Variants in C6orf141 observed in about 807,000 individuals in gnomAD.
C6orf141 encodes chromosome 6 open reading frame 141.
For missense variants in C6orf141, 361 were observed against 335.8 expected (o/e 1.07, Z -0.59); for synonymous variants, 164 against 140.5 (o/e 1.17, Z -1.18).
rs1418089458 is a variant in C6orf141, at chr6:49,550,786, G to A, written c.-7G>A. The A allele has an allele frequency of 1.4e-6, 2 of 1,453,512 alleles. No homozygotes were observed. The highest frequency in any genetic ancestry group is 1.5e-5 in the South Asian group (1 of 66,726). The allele number at this position is 1,453,512 out of a possible 1,614,324, so 90.0% of individuals were successfully genotyped here. ...CTTGCTGCTTGAACCGGTCAAAGAA[G>A]GAACGAATGAATGACCCTTTTGCCA... On this transcript the variant is annotated 5_prime_UTR_variant, in exon 1 of 1. Transcript: ENST00000529246.
rs1232105990 is a variant in C6orf141 at position 49,551,733 on chromosome 6, G to A, written c.*206G>A. 7.0e-7 allele frequency: 1 copy of A among 1,420,704 alleles called. No homozygotes were observed. Among genetic ancestry groups the A allele is most frequent in the Non-Finnish European group, 9.2e-7 (1 of 1,086,544 alleles). 88.0% of individuals were successfully genotyped at this position (1,420,704 alleles called of 1,614,324 possible). On this transcript the variant is annotated 3_prime_UTR_variant, in exon 1 of 1. Coordinates refer to ENST00000529246, the MANE Select transcript of C6orf141 (RefSeq NM_001145652.2). ...ATTCCTTCGCTGTCTGGGGACCTAAGTCATTCAGAAGAGGTGGAGAAAAGA... is the reference window on the plus strand; with the variant it reads ...ATTCCTTCGCTGTCTGGGGACCTAAATCATTCAGAAGAGGTGGAGAAAAGA...
Position 49,551,171 on chromosome 6 carries a change from G to C in C6orf141, c.379G>C (p.Glu127Gln). ...PHAGGEDHGEEPNYPSVFQRQ... is the reference protein window; with the variant it reads ...PHAGGEDHGEQPNYPSVFQRQ... The stretch of plus-strand genomic sequence containing the variant: ...TGCGGGTGGAGAGGACCACGGCGAG[G>C]AGCCCAACTACCCTTCTGTCTTTCA... Residue 127 changes from glutamate (E) to glutamine (Q), a missense_variant, in exon 1 of 1, where the codon GAG becomes CAG. Coordinates refer to ENST00000529246, the MANE Select transcript of C6orf141 (RefSeq NM_001145652.2). 1 of 1,551,606 alleles carries C rather than the reference G, an allele frequency of 6.4e-7. No homozygotes were observed. The highest frequency in any genetic ancestry group is 8.7e-7 in the Non-Finnish European group (1 of 1,146,948).
At position 49,558,661 on chromosome 6, in the gene C6orf141, A is replaced by T. The variant is rs368805340; in HGVS notation, c.*764-3043A>T. Among the ~76,000 whole-genome samples the T allele has an allele frequency of 7.2e-5, 11 of 152,056 alleles. No individual in the cohort carries two copies. In the East Asian group the frequency reaches 2.1e-3, roughly 29 times the overall value. On this transcript the variant is annotated intron_variant and NMD_transcript_variant, in intron 4 of 4. Transcript: ENST00000371194. Reference sequence around the variant, plus strand: ...ACTCAAAATTAACTATTATTATTATAATTAGTATTAGTGGTAGTGGTAGTG... The same window carrying T: ...ACTCAAAATTAACTATTATTATTATTATTAGTATTAGTGGTAGTGGTAGTG...
chr6:49,555,857 T>C (rs1040426290), downstream of C6orf141, among the ~76,000 whole-genome samples: 2 of 152,192 alleles, frequency 1.3e-5, no homozygotes, highest in Non-Finnish European at 2.9e-5. Flanking sequence ...CCTCCTGCCT[T>C]GGCCTCCCAA....
rs1489203317 is a variant in C6orf141 at position 49,551,589 on chromosome 6, A to G, written c.*62A>G. ...GCGATCATCCTTAAAAGAAAATGCT[A>G]TTCTGGGAGCTCCAACCTGCAATTA... On this transcript the variant is annotated 3_prime_UTR_variant, in exon 1 of 1. Coordinates refer to ENST00000529246, the MANE Select transcript of C6orf141 (RefSeq NM_001145652.2). 10 of 1,527,918 alleles carry G rather than the reference A, an allele frequency of 6.5e-6. No homozygotes were observed. Among genetic ancestry groups the G allele is most frequent in the East Asian group, 2.5e-5 (1 of 40,786 alleles). The allele number at this position is 1,527,918 out of a possible 1,614,324, so 94.6% of individuals were successfully genotyped here. A position where few individuals can be genotyped will look rare whatever the true frequency, so the allele number is the denominator to read the frequency against.
rs1770377648 is a variant in C6orf141 at position 49,551,111 on chromosome 6, C to A, written c.319C>A (p.Arg107=). Residue 107 remains arginine, a synonymous_variant, in exon 1 of 1, where the codon CGG becomes AGG. Transcript: ENST00000529246. ...RWLGTRGDPA[R]EEVAGAEDLP... The stretch of plus-strand genomic sequence containing the variant: ...GTTAGGGACTCGAGGGGACCCTGCA[C>A]GGGAAGAGGTGGCCGGTGCAGAGGA... The A allele has an allele frequency of 6.4e-7, 1 of 1,551,516 alleles. No individual in the cohort carries two copies. The highest frequency in any genetic ancestry group is 8.7e-7 in the Non-Finnish European group (1 of 1,146,988).
At chr6:49,553,339 G>A (rs543291548), downstream of C6orf141, 9 of 152,300 alleles carry the variant, frequency 5.9e-5, no homozygotes, top group East Asian at 1.5e-3. Context: ...CAGTTCTTAG[G>A]CCTGTGAGAC....
exon 5 of C6orf141, chr6:49,561,904 A>G (rs1773354516): frequency 6.6e-6 from 1 of 151,166 alleles, no homozygotes; most frequent in African/African-American, 2.4e-5. Context: ...AAAACATTAC[A>G]TGACTGGTAC....
At chr6:49,558,068 T>TTTTTGTTTTTTTTTGTTTTTTTTTG (rs1426044837) in intron 4 of C6orf141, among the ~76,000 whole-genome samples, 39 of 137,424 alleles carry the variant, frequency 2.8e-4, no homozygotes, top group African/African-American at 1.0e-3. Context: ...TGTTTTTTTT[T>TTTTTGTTTTTTTTTGTTTTTTTTTG]TTTTTTTTTT....
At chr6:49,561,353 C>G (rs1773291686) in intron 4 of C6orf141, among the ~76,000 whole-genome samples, 1 of 152,180 alleles carries the variant, frequency 6.6e-6, no homozygotes, top group Admixed American at 6.5e-5. Context: ...CCTGCCTTGG[C>G]CTCCCAAAGT....
downstream of C6orf141, among the ~76,000 whole-genome samples, chr6:49,556,579 G>A (rs1489537336): frequency 6.6e-6 from 1 of 152,174 alleles, no homozygotes; most frequent in African/African-American, 2.4e-5. Flanking sequence ...AAAGCAGGAA[G>A]TCATTAACAC....
Position 49,551,677 on chromosome 6 carries a change from T to C in C6orf141, c.*150T>C, listed in dbSNP as rs1370238332. On this transcript the variant is annotated 3_prime_UTR_variant, in exon 1 of 1. Coordinates refer to ENST00000529246, the MANE Select transcript of C6orf141 (RefSeq NM_001145652.2). ...CTTCGGGGAGGCAGATTAAGAACTG[T>C]AAGCAGCATAATACCTCCTTTGTGG... 7 of 1,460,718 alleles carry C rather than the reference T, an allele frequency of 4.8e-6. No individual in the cohort carries two copies. The highest frequency in any genetic ancestry group is 6.3e-6 in the Non-Finnish European group (7 of 1,108,834). 90.5% of individuals were successfully genotyped at this position (1,460,718 alleles called of 1,614,324 possible).
chr6:49,551,359 C>T lies in C6orf141; in HGVS notation c.567C>T (p.Phe189=), dbSNP rs901235075. The change falls in exon 1 of 1, where the codon TTC becomes TTT. Residue 189 remains phenylalanine (F), a synonymous_variant. Transcript: ENST00000529246. Reference sequence around the variant, plus strand: ...TGACCACGAGGACTGAGGAGCACTTCGTGACCGCGCTCACTTTTCGCAGCA... The same window carrying T: ...TGACCACGAGGACTGAGGAGCACTTTGTGACCGCGCTCACTTTTCGCAGCA... ...GRMTTRTEEH[F]VTALTFRSSR... 11 of 1,551,700 alleles carry T rather than the reference C, an allele frequency of 7.1e-6. No homozygotes were observed. The highest frequency in any genetic ancestry group is 8.7e-6 in the Non-Finnish European group (10 of 1,146,982).
Position 49,551,768 on chromosome 6 carries a change from A to AT in C6orf141, c.*243dup, listed in dbSNP as rs1037129920. On this transcript the variant is annotated 3_prime_UTR_variant, in exon 1 of 1. Transcript: ENST00000529246. ...AGAGGTGGAGAAAAGATATTTTCAG[A>AT]TTGGCAGAATGTGGGAGTTTTGAAA... 148 of 1,364,304 alleles carry AT rather than the reference A, an allele frequency of 1.1e-4. No individual in the cohort carries two copies. The highest frequency in any genetic ancestry group is 1.3e-4 in the Non-Finnish European group (133 of 1,054,864). 84.5% of individuals were successfully genotyped at this position (1,364,304 alleles called of 1,614,324 possible). A position where few individuals can be genotyped will look rare whatever the true frequency, so the allele number is the denominator to read the frequency against.
At position 49,551,073 on chromosome 6, in the gene C6orf141, A is replaced by T; in HGVS notation, c.281A>T (p.His94Leu). The T allele has an allele frequency of 6.4e-7, 1 of 1,551,588 alleles. No individual in the cohort carries two copies. The highest frequency in any genetic ancestry group is 8.7e-7 in the Non-Finnish European group (1 of 1,146,986). ...AGAGAGAAAGTGCTCTTTCTCCTGC[A>T]CCCAGAGAGGTGGTTAGGGACTCGA... The part of the protein sequence containing the change: ...WVREKVLFLL[H>L]PERWLGTRGD... Residue 94 changes from histidine to leucine, a missense_variant, in exon 1 of 1, where the codon CAC (histidine) becomes CTC (leucine). Physicochemically the swap from His to Leu is moderately conservative, Grantham distance 99. Coordinates refer to ENST00000529246, the MANE Select transcript of C6orf141 (RefSeq NM_001145652.2).
chr6:49,558,117 T>G (rs1256833030), intron 4 of C6orf141, among the ~76,000 whole-genome samples: 13 of 140,706 alleles, frequency 9.2e-5, no homozygotes, highest in African/African-American at 3.4e-4. Flanking sequence ...TTGGCCAGGC[T>G]GGTCTCAAAC....
At position 49,551,650 on chromosome 6, in the gene C6orf141, C is replaced by T. The variant is rs969641338; in HGVS notation, c.*123C>T. The T allele has an allele frequency of 1.4e-6, 2 of 1,477,692 alleles. No homozygotes were observed. Among genetic ancestry groups the T allele is most frequent in the Admixed American group, 2.8e-5 (1 of 36,192 alleles). The allele number at this position is 1,477,692 out of a possible 1,614,324, so 91.5% of individuals were successfully genotyped here. ...GGAACCTTTTGAGAGGCTGGTGCAG[C>T]GCTTCGGGGAGGCAGATTAAGAACT... On this transcript the variant is annotated 3_prime_UTR_variant, in exon 1 of 1. Coordinates refer to ENST00000529246, the MANE Select transcript of C6orf141 (RefSeq NM_001145652.2).
At chr6:49,557,984 C>T (rs1247689405) in intron 4 of C6orf141, among the ~76,000 whole-genome samples, 12 of 151,338 alleles carry the variant, frequency 7.9e-5, no homozygotes, top group South Asian at 6.3e-4. Context: ...CTCCGCCTCC[C>T]GGGTTCAAGT....
downstream of C6orf141, among the ~76,000 whole-genome samples, chr6:49,556,981 C>T (rs146658481): frequency 0.012 from 1,761 of 152,224 alleles, 32 homozygotes; most frequent in African/African-American, 0.041. Flanking sequence ...AGGCCAAGCA[C>T]GGTGGCTCAC....
Sources: allele counts gnomAD v4.1 joint callset (sites outside exome capture counted in the v4.1 genomes callset), GRCh38; gene constraint gnomAD v4.1.1; transcripts MANE v1.5; gene names NCBI Gene and HGNC (gene_info 2026-07-23, HGNC 2026-07-21).